MERTK: variants seen among roughly 807,000 people sequenced by gnomAD.
The protein encoded by MERTK is MER proto-oncogene, tyrosine kinase.
MERTK carries 69 observed loss-of-function variants against 99.3 expected under a neutral mutation model. That is an observed-to-expected ratio of 0.70 (90% CI 0.57 to 0.85). The LOEUF is 0.85. Among genes scored for constraint, MERTK ranks in the 40% least tolerant of loss-of-function variants. The pLI is 0.00. For synonymous variants in MERTK, 426 were observed against 467.6 expected, an observed-to-expected ratio of 0.91 and a Z score of 1.15; for missense variants, 1,125 against 1,249.4, an observed-to-expected ratio of 0.90 and a Z score of 1.50.
chr2:112,008,432 G>A lies in MERTK; in HGVS notation c.1917G>A (p.Ala639=), dbSNP rs1359257851. 2.7e-5 allele frequency: 44 copies of A among 1,614,004 alleles called. No individual in the cohort carries two copies. The highest frequency in any genetic ancestry group is 6.6e-5 in the South Asian group (6 of 91,084). The part of the protein sequence containing the change: ...REIEEFLSEA[A]CMKDFSHPNV... ...TCGAGGAGTTTCTCAGTGAGGCAGC[G>A]TGCATGAAAGACTTCAGCCACCCAA... Residue 639 remains alanine (A), a synonymous_variant, in exon 14 of 19, where the codon GCG becomes GCA. Transcript: ENST00000295408.
intron 15 of MERTK, among the ~76,000 whole-genome samples, chr2:112,016,697 G>A (rs1190268757): frequency 6.6e-6 from 1 of 152,230 alleles, no homozygotes; most frequent in East Asian, 1.9e-4. Context: ...AGTACAAAGG[G>A]AGATAGGCTG....
intron 2 of MERTK, among the ~76,000 whole-genome samples, chr2:111,939,653 A>ATT (rs1684825140): frequency 8.0e-6 from 1 of 124,714 alleles, no homozygotes; most frequent in African/African-American, 3.1e-5. Flanking sequence ...GCTAATTTTT[A>ATT]ATTTTTTTTT....
chr2:112,011,066 G>A (rs1396642529), intron 15 of MERTK, among the ~76,000 whole-genome samples: 2 of 152,280 alleles, frequency 1.3e-5, no homozygotes, highest in Admixed American at 6.5e-5. Context: ...CTACACCTTG[G>A]CATTCTCGGA....
intron 15 of MERTK, among the ~76,000 whole-genome samples, chr2:112,018,670 A>G (rs1009907594): frequency 3.9e-5 from 6 of 152,192 alleles, no homozygotes; most frequent in Admixed American, 3.9e-4. Flanking sequence ...TTGCACTAAA[A>G]CACTTAATTA....
intron 2 of MERTK, among the ~76,000 whole-genome samples, chr2:111,935,023 T>C (rs796966740): frequency 6.6e-6 from 1 of 152,174 alleles, no homozygotes; most frequent in South Asian, 2.1e-4. Context: ...TGCTGTTATA[T>C]AGCTCTCTCC....
chr2:111,903,567 C>G (rs1684083824), intron 1 of MERTK, among the ~76,000 whole-genome samples: 1 of 152,196 alleles, frequency 6.6e-6, no homozygotes, highest in South Asian at 2.1e-4. Context: ...GACTTTGGCC[C>G]TTGCCGTTAG....
chr2:111,966,630 G>C (rs1388236855), intron 5 of MERTK, among the ~76,000 whole-genome samples: 4 of 152,006 alleles, frequency 2.6e-5, no homozygotes, highest in Admixed American at 1.3e-4. Flanking sequence ...TTCTGTTTTT[G>C]GCTTTCATTT....
chr2:111,934,189 G>A (rs1684724875), intron 2 of MERTK, among the ~76,000 whole-genome samples: 1 of 152,112 alleles, frequency 6.6e-6, no homozygotes. Flanking sequence ...ACATACGTGT[G>A]CATATGTCTT....
chr2:111,975,701 A>G (rs1258662751), intron 7 of MERTK, among the ~76,000 whole-genome samples: 1 of 152,218 alleles, frequency 6.6e-6, no homozygotes, highest in Non-Finnish European at 1.5e-5. Context: ...TTTCTTTTAC[A>G]TAGGAGATAA....
chr2:111,981,275 G>T (rs1676366231), intron 7 of MERTK, among the ~76,000 whole-genome samples: 1 of 152,158 alleles, frequency 6.6e-6, no homozygotes, highest in South Asian at 2.1e-4. Flanking sequence ...AAGGTTTATT[G>T]TTTTAATTTC....
At chr2:112,019,610 A>G in intron 16 of MERTK, 88 bp downstream of exon 16, 1 of 994,480 alleles carries the variant, frequency 1.0e-6, no homozygotes, top group Non-Finnish European at 1.6e-6. Flanking sequence ...TCCTGTTTAG[A>G]TAGGCAAGGA....
At chr2:111,979,966 A>T (rs1169647553) in intron 7 of MERTK, among the ~76,000 whole-genome samples, 1 of 152,154 alleles carries the variant, frequency 6.6e-6, no homozygotes, top group Non-Finnish European at 1.5e-5. Flanking sequence ...CTCCTATGGA[A>T]GAGTGAAGAA....
intron 5 of MERTK, among the ~76,000 whole-genome samples, chr2:111,967,670 T>C (rs1685385299): frequency 6.6e-6 from 1 of 152,088 alleles, no homozygotes; most frequent in Non-Finnish European, 1.5e-5. Context: ...GCACACACTC[T>C]CCTGTGGCAC....
chr2:111,989,300 T>G (rs913801759), intron 8 of MERTK, among the ~76,000 whole-genome samples: 1 of 152,140 alleles, frequency 6.6e-6, no homozygotes, highest in Non-Finnish European at 1.5e-5. Context: ...TTTTATCTCA[T>G]TGAGGTTATA....
In MERTK at chr2:111,929,343, C is replaced by A; in HGVS notation, c.285C>A (p.Ala95=). 6.2e-7 allele frequency: 1 copy of A among 1,614,182 alleles called. No homozygotes were observed. The highest frequency in any genetic ancestry group is 8.5e-7 in the Non-Finnish European group (1 of 1,180,036). ...AATCAAAGCCCCTACCGCCTCTTGC[C>A]TTCAAACACACAGTTGGACACATAA... The part of the protein sequence containing the change: ...SVESKPLPPL[A]FKHTVGHIIL... Residue 95 remains alanine, a synonymous_variant, in exon 2 of 19, where the codon GCC becomes GCA. Coordinates refer to ENST00000295408, the MANE Select transcript of MERTK (RefSeq NM_006343.3).
chr2:112,025,157 C>G (rs2104427050), intron 18 of MERTK, among the ~76,000 whole-genome samples: 1 of 152,296 alleles, frequency 6.6e-6, no homozygotes, highest in Non-Finnish European at 1.5e-5. Flanking sequence ...GCTGCCCTGT[C>G]TGTGAGTGTG....
chr2:112,015,200 G>C (rs1269089925), intron 15 of MERTK, among the ~76,000 whole-genome samples: 3 of 152,174 alleles, frequency 2.0e-5, no homozygotes, highest in African/African-American at 4.8e-5. Context: ...ATGCCCAAGA[G>C]TAGGATGCTG....
intron 1 of MERTK, among the ~76,000 whole-genome samples, chr2:111,918,086 C>T (rs765520039): frequency 6.6e-6 from 1 of 152,152 alleles, no homozygotes; most frequent in African/African-American, 2.4e-5. Context: ...CTGGCAACCA[C>T]CATCCTATCT....
intron 14 of MERTK, 37 bp downstream of exon 14, chr2:112,008,512 G>T: frequency 6.7e-7 from 1 of 1,499,452 alleles, no homozygotes; most frequent in Non-Finnish European, 9.3e-7. Context: ...TGGCCAAGAG[G>T]GCTCTGCTGA....
Sources: allele counts gnomAD v4.1 joint callset (sites outside exome capture counted in the v4.1 genomes callset), GRCh38; gene constraint gnomAD v4.1.1; transcripts MANE v1.5; gene names NCBI Gene and HGNC (gene_info 2026-07-23, HGNC 2026-07-21).